Variants in ECSCR observed in about 807,000 individuals in gnomAD.
ECSCR encodes endothelial cell-specific chemotaxis regulator.
Under a neutral mutation model 16.7 loss-of-function variants are expected in ECSCR, and 12 were observed. The ratio of observed to expected loss-of-function variants is 0.72; its 90% confidence interval spans 0.46 to 1.17. ECSCR has a LOEUF of 1.17. ECSCR is among the 50% of genes most tolerant of loss of function. ECSCR has a pLI of 0.00. For missense variants in ECSCR, 122 were observed against 116.1 expected, an observed-to-expected ratio of 1.05 and a Z score of -0.23; for synonymous variants, 44 against 42.2, an observed-to-expected ratio of 1.04 and a Z score of -0.17.
At chr5:139,455,057 T>C (rs1302208096) in intron 6 of ECSCR, 134 bp from the exon 7 acceptor site, 7 of 373,684 alleles carry the variant, frequency 1.9e-5, no homozygotes, top group Non-Finnish European at 2.7e-5. Context: ...ACTTCTCTGC[T>C]GAACAGGTGA....
At chr5:139,457,998 G>A (rs758405330) in intron 2 of ECSCR, 141 bp downstream of exon 2, 103 of 1,160,548 alleles carry the variant, frequency 8.9e-5, no homozygotes, top group Non-Finnish European at 1.1e-4. Flanking sequence ...GATGAGCTCA[G>A]CCTTGGTGAG....
chr5:139,460,134 T>G (rs1310633198), intron 1 of ECSCR, among the ~76,000 whole-genome samples: 10 of 133,330 alleles, frequency 7.5e-5, no homozygotes, highest in Admixed American at 2.9e-4. Context: ...GTATTTTTTG[T>G]TTTTTTTTTT....
chr5:139,449,377 G>A (rs370665903), intron 8 of ECSCR, among the ~76,000 whole-genome samples: 15 of 152,058 alleles, frequency 9.9e-5, no homozygotes, highest in African/African-American at 3.1e-4. Flanking sequence ...TCGCTCTGTC[G>A]CCCAGGCTGG....
chr5:139,457,176 C>A (rs1000344935), intron 4 of ECSCR, among the ~76,000 whole-genome samples: 4 of 152,212 alleles, frequency 2.6e-5, no homozygotes, highest in Non-Finnish European at 4.4e-5. Flanking sequence ...CTCTTGTTCA[C>A]CTCTGGGCAG....
At chr5:139,451,843 G>T (rs1181837060) in intron 8 of ECSCR, among the ~76,000 whole-genome samples, 1 of 147,080 alleles carries the variant, frequency 6.8e-6, no homozygotes, top group Non-Finnish European at 1.5e-5. Flanking sequence ...TGCATGTGTA[G>T]TATAGGATGT....
Position 139,454,654 on chromosome 5 carries a change from G to A in ECSCR, c.476-16C>T. ...TTCTGGGGATCTGTAAAAAGCCAAA[G>A]GCACAGGTTGGGGCTCACATGCTGT... On this transcript the variant is annotated splice_polypyrimidine_tract_variant and intron_variant, in intron 7 of 9. Coordinates refer to ENST00000618155, the MANE Select transcript of ECSCR (RefSeq NM_001077693.4). 1 of 398,334 alleles carries A rather than the reference G, an allele frequency of 2.5e-6. No individual in the cohort carries two copies. Among genetic ancestry groups the A allele is most frequent in the Non-Finnish European group, 4.4e-6 (1 of 225,946 alleles). 24.7% of individuals were successfully genotyped at this position (398,334 alleles called of 1,614,324 possible). A position where few individuals can be genotyped will look rare whatever the true frequency, so the allele number is the denominator to read the frequency against.
chr5:139,457,207 C>T (rs1751177865), intron 4 of ECSCR, among the ~76,000 whole-genome samples: 1 of 152,178 alleles, frequency 6.6e-6, no homozygotes, highest in African/African-American at 2.4e-5. Context: ...CTGGAATAAG[C>T]CCCACTACTC....
In ECSCR at chr5:139,454,835, C is replaced by T; in HGVS notation, c.465G>A (p.Lys155=). 1 of 398,626 alleles carries T rather than the reference C, an allele frequency of 2.5e-6. No individual in the cohort carries two copies. The highest frequency in any genetic ancestry group is 1.3e-4 in the South Asian group (1 of 7,852). 24.7% of individuals were successfully genotyped at this position (398,626 alleles called of 1,614,324 possible). Residue 155 remains lysine, a synonymous_variant, in exon 7 of 10, where the codon AAG becomes AAA. Transcript: ENST00000618155. The stretch of plus-strand genomic sequence containing the variant: ...GGGCAGGGCACGCACCTTCAGACTC[C>T]TTGCTCTTCCGACACTTGAACCTCA... ...VSLRFKCRKS[K]ESEDPQKPGS... is the part of the protein sequence containing the mutation.
intron 8 of ECSCR, among the ~76,000 whole-genome samples, chr5:139,449,713 G>T (rs377264276): frequency 3.9e-4 from 60 of 152,116 alleles, no homozygotes; most frequent in Non-Finnish European, 3.2e-4. Flanking sequence ...CTCTATTAAA[G>T]CCTCAATTTT....
chr5:139,458,091 A>G, intron 2 of ECSCR, 48 bp downstream of exon 2: 1 of 1,531,448 alleles, frequency 6.5e-7, no homozygotes, highest in South Asian at 1.2e-5. Flanking sequence ...CACCCTTCCT[A>G]AGCTCCTAGG....
At chr5:139,456,173 T>C (rs1358663509) in intron 5 of ECSCR, among the ~76,000 whole-genome samples, 1 of 151,996 alleles carries the variant, frequency 6.6e-6, no homozygotes, top group Admixed American at 6.6e-5. Context: ...TGCATGCCTG[T>C]AATCCCAGCT....
chr5:139,454,373 G>A (rs1381485359), intron 8 of ECSCR, among the ~76,000 whole-genome samples: 1 of 150,166 alleles, frequency 6.7e-6, no homozygotes, highest in Non-Finnish European at 1.5e-5. Flanking sequence ...TGGTGTGTGG[G>A]TGTGTGTAGT....
chr5:139,448,724 T>G lies in ECSCR; in HGVS notation c.*176A>C. On this transcript the variant is annotated 3_prime_UTR_variant, in exon 10 of 10. Coordinates refer to ENST00000618155, the MANE Select transcript of ECSCR (RefSeq NM_001077693.4). ...TCCATACAGGAAAGAGTCTCCCCTGTTGGTAGCTTGCTCCCAGATCTGGGG... is the reference window on the plus strand; with the variant it reads ...TCCATACAGGAAAGAGTCTCCCCTGGTGGTAGCTTGCTCCCAGATCTGGGG... 7.0e-7 allele frequency: 1 copy of G among 1,436,306 alleles called. No homozygotes were observed. Among genetic ancestry groups the G allele is most frequent in the Non-Finnish European group, 9.1e-7 (1 of 1,100,518 alleles). 89.0% of individuals were successfully genotyped at this position (1,436,306 alleles called of 1,614,324 possible).
At chr5:139,451,226 T>G (rs1024622090) in intron 8 of ECSCR, among the ~76,000 whole-genome samples, 9 of 146,440 alleles carry the variant, frequency 6.1e-5, no homozygotes, top group Non-Finnish European at 1.2e-4. Flanking sequence ...GGTGTGTGTG[T>G]GGTATGGGGT....
chr5:139,462,691 G>A lies in ECSCR; in HGVS notation c.-21C>T. 1.9e-6 allele frequency: 3 copies of A among 1,567,372 alleles called. No homozygotes were observed. Among genetic ancestry groups the A allele is most frequent in the South Asian group, 1.2e-5 (1 of 85,684 alleles). ...CCCATGTCAGCTGGGTATGTGGCGG[G>A]CAGGCAGCAGCTCAGTGGAGGCTCT... On this transcript the variant is annotated 5_prime_UTR_variant, in exon 1 of 10. Coordinates refer to ENST00000618155, the MANE Select transcript of ECSCR (RefSeq NM_001077693.4).
intron 1 of ECSCR, among the ~76,000 whole-genome samples, chr5:139,460,690 C>A (rs1751280292): frequency 1.3e-5 from 2 of 152,108 alleles, no homozygotes; most frequent in Admixed American, 6.6e-5. Flanking sequence ...GTGTCTACAG[C>A]CGAGGGTGTC....
chr5:139,459,196 C>T (rs1342544176), intron 1 of ECSCR, among the ~76,000 whole-genome samples: 1 of 152,122 alleles, frequency 6.6e-6, no homozygotes, highest in Non-Finnish European at 1.5e-5. Context: ...TAATGTTTAC[C>T]TTAAGCTACT....
At chr5:139,450,967 C>T (rs911292283) in intron 8 of ECSCR, among the ~76,000 whole-genome samples, 7 of 151,990 alleles carry the variant, frequency 4.6e-5, no homozygotes, top group African/African-American at 1.7e-4. Context: ...GAGGGTTAGC[C>T]CTGGTGTTGA....
intron 3 of ECSCR, 60 bp from the exon 4 acceptor site, chr5:139,457,664 C>T (rs1027540929): frequency 2.8e-6 from 4 of 1,431,986 alleles, no homozygotes; most frequent in Non-Finnish European, 3.0e-6. Context: ...ACACCACACT[C>T]CCTGTCCCAC....
Sources: gnomAD v4.1 joint callset for allele counts (sites outside exome capture counted in the v4.1 genomes callset) on GRCh38, gnomAD v4.1.1 for gene constraint, MANE v1.5 for transcripts, NCBI Gene and HGNC (gene_info 2026-07-23, HGNC 2026-07-21) for gene names.